Variants in PAGE1 observed in about 807,000 individuals in gnomAD.
The protein encoded by PAGE1 is P antigen family member 1.
Under a neutral mutation model 11.5 loss-of-function variants are expected in PAGE1, and 6 were observed. That is an observed-to-expected ratio of 0.52 (90% confidence interval 0.29 to 1.03). The LOEUF is 1.03. Ranked by LOEUF, PAGE1 falls within the 50% of genes least tolerant of loss-of-function variation. The pLI is 0.09. For synonymous variants in PAGE1, 42 were observed against 40.2 expected, an observed-to-expected ratio of 1.05 and a Z score of -0.17; for missense variants, 120 against 110.2, an observed-to-expected ratio of 1.09 and a Z score of -0.40.
intron 4 of PAGE1, among the ~76,000 whole-genome samples, chrX:49,690,408 G>T (rs1440108896): frequency 4.6e-5 from 5 of 109,075 alleles, no homozygotes; most frequent in East Asian, 5.8e-4. Context: ...ACTTCTGATT[G>T]TCCTTATCAT....
intron 3 of PAGE1, among the ~76,000 whole-genome samples, chrX:49,692,939 T>C (rs1396602833): frequency 9.0e-6 from 1 of 111,269 alleles, no homozygotes; most frequent in Non-Finnish European, 1.9e-5. Context: ...TTCTACTAAA[T>C]GACAATCTAA....
chrX:49,689,750 G>GTATATA (rs2066904082), intron 4 of PAGE1, among the ~76,000 whole-genome samples: 1 of 57,971 alleles, frequency 1.7e-5, no homozygotes, highest in African/African-American at 8.1e-5. Context: ...ATATGTATAT[G>GTATATA]TGTATATATA....
At chrX:49,687,977 C>T (rs782667490) in intron 5 of PAGE1, among the ~76,000 whole-genome samples, 3 of 112,829 alleles carry the variant, frequency 2.7e-5, no homozygotes, top group East Asian at 2.8e-4. Context: ...TATGTGTCTA[C>T]AGTCTTATTA....
At chrX:49,695,729 C>G (rs1360559056) in intron 1 of PAGE1, 140 bp downstream of exon 1, 20 of 112,042 alleles carry the variant, frequency 1.8e-4, no homozygotes, top group African/African-American at 6.2e-4. Context: ...AGGACGAGCT[C>G]GAGGCCCTTC....
chrX:49,693,716 G>A (rs781839657), intron 3 of PAGE1, among the ~76,000 whole-genome samples: 1 of 111,064 alleles, frequency 9.0e-6, no homozygotes, highest in Non-Finnish European at 1.9e-5. Flanking sequence ...TTACAGTAAA[G>A]CATTTGAGTT....
intron 3 of PAGE1, 78 bp downstream of exon 3, chrX:49,694,021 G>GACACTC (rs1557142517): frequency 6.9e-5 from 25 of 363,540 alleles, no homozygotes; most frequent in Admixed American, 6.8e-4. Context: ...CAATGCATGA[G>GACACTC]ACACACACAC....
At chrX:49,689,714 A>G (rs191152234) in intron 4 of PAGE1, among the ~76,000 whole-genome samples, 171 bp from the exon 5 acceptor site, 9 of 47,522 alleles carry the variant, frequency 1.9e-4, no homozygotes, top group African/African-American at 6.7e-4. Flanking sequence ...ATGTGTATAT[A>G]TGTATATATG....
In PAGE1 at chrX:49,689,535, G is replaced by T; in HGVS notation, c.301C>A (p.Pro101Thr). Residue 101 changes from proline (P) to threonine (T), a missense_variant, in exon 5 of 6, where the codon CCT becomes ACT. Transcript: ENST00000376150. ...QMKLPAEGPE[P>T]EADSQEQVHP... ...ACCTGTTCCTGGCTATCCGCTTCAG[G>T]CTCTGGCCCTTAAAAAAAAAAAAAA... 1.3e-6 allele frequency: 1 copy of T among 741,344 alleles called. No individual in the cohort carries two copies. Among genetic ancestry groups the T allele is most frequent in the Non-Finnish European group, 1.6e-6 (1 of 612,999 alleles). The allele number at this position is 741,344 out of a possible 1,213,427, so 61.1% of individuals were successfully genotyped here. A position where few individuals can be genotyped will look rare whatever the true frequency, so the allele number is the denominator to read the frequency against.
rs782273832 is a variant in PAGE1, at chrX:49,689,528, G to A, written c.308C>T (p.Ala103Val). ...KLPAEGPEPE[A>V]DSQEQVHPKT... ...CGGGTGAACCTGTTCCTGGCTATCC[G>A]CTTCAGGCTCTGGCCCTTAAAAAAA... The change falls in exon 5 of 6, where the codon GCG (alanine) becomes GTG (valine). Residue 103 changes from alanine (A) to valine (V), a missense_variant. By Grantham distance (64) the Ala-to-Val change is moderately conservative. Coordinates refer to ENST00000376150, the MANE Select transcript of PAGE1 (RefSeq NM_003785.4). The A allele has an allele frequency of 3.1e-5, 23 of 736,472 alleles. No individual in the cohort carries two copies. Among genetic ancestry groups the A allele is most frequent in the Admixed American group, 1.3e-4 (2 of 15,483 alleles). The allele number at this position is 736,472 out of a possible 1,213,427, so 60.7% of individuals were successfully genotyped here.
intron 4 of PAGE1, among the ~76,000 whole-genome samples, chrX:49,689,828 GTA>G (rs1194607753): frequency 3.5e-5 from 2 of 56,824 alleles, no homozygotes; most frequent in African/African-American, 9.4e-5. Context: ...ACATATATGT[GTA>G]TATATGTGTG....
At chrX:49,689,575 A>AAAAAATAT (rs2066898676) in intron 4 of PAGE1, 32 bp from the exon 5 acceptor site, 4 of 30,825 alleles carry the variant, frequency 1.3e-4, no homozygotes, top group Non-Finnish European at 2.3e-4. Context: ...AAAAAAAAAA[A>AAAAAATAT]ATATATATAT....
chrX:49,691,278 T>G lies in PAGE1; in HGVS notation c.263A>C (p.Asn88Thr). Residue 88 changes from asparagine (N) to threonine (T), a missense_variant, in exon 4 of 6, where the codon AAT (asparagine) becomes ACT (threonine). Transcript: ENST00000376150. ...GPDTKRVCLR[N>T]EEQMKLPAEG... Reference sequence around the variant, plus strand: ...TGCGGGCAGTTTCATCTGCTCTTCATTTCGCAGGCACACCCTCTTGGTATC... The same window carrying G: ...TGCGGGCAGTTTCATCTGCTCTTCAGTTCGCAGGCACACCCTCTTGGTATC... 8.3e-7 allele frequency: 1 copy of G among 1,210,981 alleles called. No individual in the cohort carries two copies. Among genetic ancestry groups the G allele is most frequent in the Non-Finnish European group, 1.1e-6 (1 of 894,876 alleles).
At chrX:49,689,340 CA>C (rs2066894905) in intron 5 of PAGE1, 77 bp downstream of exon 5, 7 of 917,157 alleles carry the variant, frequency 7.6e-6, no homozygotes, top group East Asian at 1.6e-4. Context: ...GACTCTGTCT[CA>C]AAAAAATAAT....
intron 4 of PAGE1, among the ~76,000 whole-genome samples, chrX:49,689,759 TAC>T (rs1557141755): frequency 1.1e-4 from 7 of 64,815 alleles, no homozygotes; most frequent in African/African-American, 3.1e-4. Flanking sequence ...TGTGTATATA[TAC>T]ATATATATGT....
At chrX:49,688,201 G>A (rs2066890769) in intron 5 of PAGE1, among the ~76,000 whole-genome samples, 2 of 112,445 alleles carry the variant, frequency 1.8e-5, no homozygotes, top group African/African-American at 6.5e-5. Flanking sequence ...CCCAGCCTGG[G>A]CAACACAGTG....
At chrX:49,689,777 T>C (rs1430383839) in intron 4 of PAGE1, among the ~76,000 whole-genome samples, 1 of 62,664 alleles carries the variant, frequency 1.6e-5, no homozygotes, top group Non-Finnish European at 2.7e-5. Context: ...TATGTGTGTA[T>C]ATATACACAC....
Position 49,694,793 on chromosome X carries a change from T to C in PAGE1, c.-8-15A>G, listed in dbSNP as rs782625160. The C allele has an allele frequency of 1.9e-6, 2 of 1,034,035 alleles. No homozygotes were observed. Among genetic ancestry groups the C allele is most frequent in the Admixed American group, 4.5e-5 (2 of 44,529 alleles). The allele number at this position is 1,034,035 out of a possible 1,213,427, so 85.2% of individuals were successfully genotyped here. The stretch of plus-strand genomic sequence containing the variant: ...CATATTTCACACTGAAAAGAGAAAA[T>C]TGTGATTGGGAACATGCACTTGAGA... On this transcript the variant is annotated splice_polypyrimidine_tract_variant and intron_variant, in intron 1 of 5. Transcript: ENST00000376150.
chrX:49,694,555 C>A (rs148979829), intron 2 of PAGE1, among the ~76,000 whole-genome samples, 153 bp downstream of exon 2: 1 of 111,144 alleles, frequency 9.0e-6, no homozygotes, highest in Non-Finnish European at 1.9e-5. Flanking sequence ...ATATTTCCTT[C>A]ATGAGATACC....
Position 49,687,581 on chromosome X carries a change from C to T in PAGE1, c.419-18G>A, listed in dbSNP as rs782237245. 1.0e-5 allele frequency: 12 copies of T among 1,189,369 alleles called. No individual in the cohort carries two copies. The South Asian group carries it at 2.2e-4, about 22-fold the overall frequency. On this transcript the variant is annotated intron_variant, in intron 5 of 5. Coordinates refer to ENST00000376150, the MANE Select transcript of PAGE1 (RefSeq NM_003785.4). Reference sequence around the variant, plus strand: ...CCCTTCATCTGTAACAGAAACATAACTGTTAGGAAGATGATTTAGCAGCAG... The same window carrying T: ...CCCTTCATCTGTAACAGAAACATAATTGTTAGGAAGATGATTTAGCAGCAG...
Sources: allele counts gnomAD v4.1 joint callset (sites outside exome capture counted in the v4.1 genomes callset), GRCh38; gene constraint gnomAD v4.1.1; transcripts MANE v1.5; gene names NCBI Gene and HGNC (gene_info 2026-07-23, HGNC 2026-07-21).